Variants in DPP10 observed in about 807,000 individuals in gnomAD.
The protein encoded by DPP10 is dipeptidyl peptidase like 10, also known as inactive dipeptidyl peptidase 10.
In DPP10, 33 loss-of-function variants were observed where a neutral mutation model predicts 120.9. The observed-to-expected ratio is 0.27, with a 90% CI of 0.21 to 0.37. The LOEUF (loss-of-function observed/expected upper bound fraction) is 0.37, where lower values mean the gene tolerates loss of function less well. Ranked by LOEUF, DPP10 falls within the 10% of genes least tolerant of loss-of-function variation. The pLI, the probability that DPP10 is intolerant of heterozygous loss-of-function variation, is 1.00. For synonymous variants in DPP10, 337 were observed against 326.1 expected, an observed-to-expected ratio of 1.03 and a Z score of -0.36; for missense variants, 816 against 942.8, an observed-to-expected ratio of 0.87 and a Z score of 1.76.
chr2:115,193,663 C>A (rs530109580), intron 1 of DPP10, among the ~76,000 whole-genome samples: 3 of 152,164 alleles, frequency 2.0e-5, no homozygotes, highest in Non-Finnish European at 4.4e-5. Context: ...TACTTAGAAT[C>A]GGTAAGATGG....
chr2:115,228,155 C>A (rs1050481600), intron 1 of DPP10, among the ~76,000 whole-genome samples: 40 of 151,898 alleles, frequency 2.6e-4, no homozygotes, highest in African/African-American at 7.3e-4. Context: ...GCAAAATTGA[C>A]AGACTGGTGT....
At chr2:115,603,560 G>GTTGT (rs563884390) in intron 5 of DPP10, among the ~76,000 whole-genome samples, 20 of 126,432 alleles carry the variant, frequency 1.6e-4, no homozygotes, top group African/African-American at 5.2e-4. Context: ...CGTTGTTGTT[G>GTTGT]TTTTTTTTTG....
intron 1 of DPP10, among the ~76,000 whole-genome samples, chr2:115,096,398 A>C (rs552737878): frequency 6.6e-6 from 1 of 152,210 alleles, no homozygotes; most frequent in Non-Finnish European, 1.5e-5. Flanking sequence ...ATGTACAAAT[A>C]TATGAAGTTT....
intron 1 of DPP10, among the ~76,000 whole-genome samples, chr2:115,270,291 G>C (rs750747510): frequency 3.3e-5 from 5 of 152,040 alleles, no homozygotes; most frequent in Non-Finnish European, 7.4e-5. Context: ...TGAAGTATAA[G>C]AAGCAGTTTA....
intron 3 of DPP10, among the ~76,000 whole-genome samples, chr2:115,362,304 C>T (rs1200074050): frequency 6.6e-6 from 1 of 152,126 alleles, no homozygotes; most frequent in Non-Finnish European, 1.5e-5. Flanking sequence ...AGGCCAGATA[C>T]CATGCTCTGC....
intron 1 of DPP10, among the ~76,000 whole-genome samples, chr2:114,781,633 C>T (rs967443570): frequency 6.6e-6 from 1 of 152,098 alleles, no homozygotes; most frequent in Non-Finnish European, 1.5e-5. Flanking sequence ...TAGAGAACCT[C>T]TTCACCCTAA....
intron 5 of DPP10, among the ~76,000 whole-genome samples, chr2:115,662,096 A>G (rs1360233990): frequency 6.6e-6 from 1 of 152,180 alleles, no homozygotes; most frequent in African/African-American, 2.4e-5. Flanking sequence ...TAGTCTCCAT[A>G]TATAAGTGAG....
At chr2:114,988,773 C>A (rs1010753203) in intron 1 of DPP10, among the ~76,000 whole-genome samples, 1 of 152,136 alleles carries the variant, frequency 6.6e-6, no homozygotes, top group African/African-American at 2.4e-5. Context: ...AGAGTTTATA[C>A]ATTGTTTCTT....
At chr2:115,091,620 T>A (rs568903663) in intron 1 of DPP10, among the ~76,000 whole-genome samples, 1 of 152,210 alleles carries the variant, frequency 6.6e-6, no homozygotes, top group Non-Finnish European at 1.5e-5. Flanking sequence ...CTATTTTTCA[T>A]TGGCCGTCCG....
At chr2:115,080,698 C>A (rs1454087242) in intron 1 of DPP10, among the ~76,000 whole-genome samples, 1 of 152,152 alleles carries the variant, frequency 6.6e-6, no homozygotes, top group African/African-American at 2.4e-5. Flanking sequence ...CAGTGCAGAT[C>A]GTGTATTTTT....
intron 1 of DPP10, among the ~76,000 whole-genome samples, chr2:114,946,698 T>C (rs965275744): frequency 2.0e-5 from 3 of 152,084 alleles, no homozygotes; most frequent in Non-Finnish European, 4.4e-5. Flanking sequence ...TTATATTTCA[T>C]TTAGGATTTT....
Position 115,660,655 on chromosome 2 carries a change from C to CTTTTTTTTTTTTTTTTTTTTTTTTTTTTT in DPP10, c.442-29008_442-29007insTTTTTTTTTTTTTTTTTTTTTTTTTTTTT. On this transcript the variant is annotated intron_variant, in intron 5 of 25. Coordinates refer to ENST00000410059, the MANE Select transcript of DPP10 (RefSeq NM_020868.6). Reference sequence around the variant, plus strand: ...CCTTCCTTTCATTCTCTCTGTCTGGCTTTTTTTTTTTTTTTTTTTTTTTTG... The same window carrying CTTTTTTTTTTTTTTTTTTTTTTTTTTTTT: ...CCTTCCTTTCATTCTCTCTGTCTGGCTTTTTTTTTTTTTTTTTTTTTTTTTTTTTTTTTTTTTTTTTTTTTTTTTTTTTG... 2.2e-3 allele frequency among the ~76,000 whole-genome samples: 55 copies of CTTTTTTTTTTTTTTTTTTTTTTTTTTTTT among 25,320 alleles called. 3 individuals are homozygous for CTTTTTTTTTTTTTTTTTTTTTTTTTTTTT. The highest frequency in any genetic ancestry group is 3.7e-3 in the South Asian group (1 of 272). 16.6% of individuals were successfully genotyped at this position (25,320 alleles called of 152,430 possible).
chr2:114,577,288 T>C (rs1339220128), intron 1 of DPP10, among the ~76,000 whole-genome samples: 1 of 152,222 alleles, frequency 6.6e-6, no homozygotes, highest in African/African-American at 2.4e-5. Flanking sequence ...GAGCACACAC[T>C]TGGTGATAGG....
intron 3 of DPP10, among the ~76,000 whole-genome samples, chr2:115,364,116 A>G (rs2064945411): frequency 6.6e-6 from 1 of 152,110 alleles, no homozygotes; most frequent in Admixed American, 6.6e-5. Flanking sequence ...TCTAGGTTCA[A>G]AGAATGTAAA....
At chr2:115,155,365 G>GAAAATGTGAAA (rs2051842307) in intron 1 of DPP10, among the ~76,000 whole-genome samples, 1 of 152,186 alleles carries the variant, frequency 6.6e-6, no homozygotes, top group Non-Finnish European at 1.5e-5. Flanking sequence ...TCGGGAAGAT[G>GAAAATGTGAAA]AAAATGTGAG....
intron 4 of DPP10, among the ~76,000 whole-genome samples, chr2:115,509,586 C>G (rs1430193430): frequency 6.6e-6 from 1 of 151,996 alleles, no homozygotes; most frequent in Non-Finnish European, 1.5e-5. Flanking sequence ...AAAATAGTCT[C>G]CACTCCTAGG....
intron 1 of DPP10, among the ~76,000 whole-genome samples, chr2:115,103,467 C>T (rs975964935): frequency 1.3e-5 from 2 of 152,082 alleles, no homozygotes; most frequent in Admixed American, 6.5e-5. Flanking sequence ...GGATTACAGG[C>T]GTGGGCAACC....
At chr2:115,420,395 T>G (rs888319078) in intron 3 of DPP10, among the ~76,000 whole-genome samples, 16 of 152,134 alleles carry the variant, frequency 1.1e-4, no homozygotes, top group Non-Finnish European at 1.9e-4. Flanking sequence ...CAAAATCAAT[T>G]TATCCATTAT....
intron 21 of DPP10, among the ~76,000 whole-genome samples, chr2:115,825,323 A>T (rs1688201917): frequency 1.3e-5 from 2 of 152,136 alleles, no homozygotes; most frequent in African/African-American, 4.8e-5. Flanking sequence ...TCCATTAACC[A>T]TTCACTCAAT....
Sources: gnomAD v4.1 joint callset for allele counts (sites outside exome capture counted in the v4.1 genomes callset) on GRCh38, gnomAD v4.1.1 for gene constraint, MANE v1.5 for transcripts, NCBI Gene and HGNC (gene_info 2026-07-23, HGNC 2026-07-21) for gene names.